The following DCUN1D4 variants were observed in gnomAD, a reference collection of about 807,000 sequenced individuals.
DCUN1D4 encodes the protein defective in cullin neddylation 1 domain containing 4, also known as DCN1-like protein 4.
In DCUN1D4, 22 loss-of-function variants were observed where a neutral mutation model predicts 47.9. The observed-to-expected ratio is 0.46, with a 90% CI of 0.33 to 0.66. The LOEUF is 0.66. Among genes scored for constraint, DCUN1D4 ranks in the 30% least tolerant of loss-of-function variants. The pLI is 0.02. For synonymous variants in DCUN1D4, 121 were observed against 112.2 expected (o/e 1.08, Z -0.50); for missense variants, 301 against 340.8 (o/e 0.88, Z 0.92).
intron 1 of DCUN1D4, among the ~76,000 whole-genome samples, chr4:51,856,062 A>G (rs964283806): frequency 1.3e-5 from 2 of 152,210 alleles, no homozygotes; most frequent in East Asian, 1.9e-4. Context: ...GCAGATCCCT[A>G]TACCTCAGTC....
intron 3 of DCUN1D4, chr4:51,865,287 G>A (rs997917077): frequency 8.6e-6 from 2 of 232,840 alleles, no homozygotes; most frequent in Non-Finnish European, 1.8e-5. Flanking sequence ...AAGCCAGCGT[G>A]GAGCTACTCT....
In DCUN1D4 at chr4:51,891,799, A is replaced by G. The variant is rs762249817; in HGVS notation, c.454A>G (p.Asn152Asp). ...CCTAGCTTGGAAATTGGATGCACAA[A>G]ACATGGGTTATTTTACTCTACAGGA... is the stretch of plus-strand genomic sequence containing the variant. ...LVLAWKLDAQ[N>D]MGYFTLQEWL... The change falls in exon 7 of 11, where the codon AAC becomes GAC. Residue 152 changes from asparagine to aspartate, a missense_variant. This residue lies in a region of DCUN1D4 where 170 missense variants were observed against 234.5 expected (regional missense o/e 0.73). Coordinates refer to ENST00000334635, the MANE Select transcript of DCUN1D4 (RefSeq NM_001040402.3). 5 of 1,613,470 alleles carry G rather than the reference A, an allele frequency of 3.1e-6. No homozygotes were observed. In the South Asian group the frequency reaches 5.5e-5, roughly 18 times the overall value.
chr4:51,848,426 A>G, intron 1 of DCUN1D4: 3 of 1,026,710 alleles, frequency 2.9e-6, no homozygotes, highest in Non-Finnish European at 3.6e-6. Context: ...TTTTATATCC[A>G]TATTCTGGTC....
chr4:51,874,302 C>T lies in DCUN1D4; in HGVS notation c.168C>T (p.Cys56=). ...GSLRSCSSSD[C]FNKVMPPRKK... ...TGCGGTCTTGCAGTTCTTCAGACTG[C>T]TTTAATAAAGTGATGCCACCAAGGA... Residue 56 remains cysteine (C), a synonymous_variant, in exon 4 of 11, where the codon TGC becomes TGT. Transcript: ENST00000334635. 1 of 1,613,276 alleles carries T rather than the reference C, an allele frequency of 6.2e-7. No homozygotes were observed. The highest frequency in any genetic ancestry group is 8.5e-7 in the Non-Finnish European group (1 of 1,179,774).
chr4:51,841,375 C>CAT, upstream of DCUN1D4, among the ~76,000 whole-genome samples: 1 of 152,292 alleles, frequency 6.6e-6, no homozygotes, highest in Admixed American at 6.5e-5. Flanking sequence ...AGCTTCCCTG[C>CAT]TCAGAGTAAG....
chr4:51,907,390 G>A (rs151143287), intron 8 of DCUN1D4, among the ~76,000 whole-genome samples: 71 of 152,312 alleles, frequency 4.7e-4, no homozygotes, highest in Non-Finnish European at 8.7e-4. Flanking sequence ...TCAGATATGA[G>A]CTTTTTACAG....
At chr4:51,836,391 G>A in the DCUN1D4 span, among the ~76,000 whole-genome samples, 2 of 152,170 alleles carry the variant, frequency 1.3e-5, no homozygotes, top group South Asian at 4.1e-4. Flanking sequence ...TTTTCAATGG[G>A]GTAAGCTAGT....
chr4:51,836,614 G>T, the DCUN1D4 span, among the ~76,000 whole-genome samples: 1 of 152,272 alleles, frequency 6.6e-6, no homozygotes, highest in Admixed American at 6.5e-5. Context: ...TAACCCGGTT[G>T]TAGGGTCTGG....
chr4:51,897,156 C>T (rs926465146), intron 7 of DCUN1D4, among the ~76,000 whole-genome samples: 1 of 152,130 alleles, frequency 6.6e-6, no homozygotes, highest in Non-Finnish European at 1.5e-5. Flanking sequence ...AAGTCTTTTC[C>T]GACTCTAAAA....
chr4:51,905,401 G>C (rs1445818082), intron 8 of DCUN1D4: 1 of 245,640 alleles, frequency 4.1e-6, no homozygotes, highest in Non-Finnish European at 8.7e-6. Context: ...GAAGAAGACG[G>C]TGGAATATAC....
intron 8 of DCUN1D4, among the ~76,000 whole-genome samples, chr4:51,901,385 T>C (rs1411885615): frequency 1.3e-5 from 2 of 152,240 alleles, no homozygotes; most frequent in East Asian, 3.9e-4. Flanking sequence ...AGGCCTTCTG[T>C]CTCCAAGTCT....
At chr4:51,885,444 G>T (rs1729321159) in intron 5 of DCUN1D4, among the ~76,000 whole-genome samples, 7 of 152,232 alleles carry the variant, frequency 4.6e-5, no homozygotes, top group Admixed American at 4.6e-4. Flanking sequence ...ACAGCATACA[G>T]GAGGATAAGC....
intron 8 of DCUN1D4, among the ~76,000 whole-genome samples, chr4:51,909,742 A>G (rs987777182): frequency 6.6e-6 from 1 of 152,204 alleles, no homozygotes; most frequent in African/African-American, 2.4e-5. Context: ...GACCTCTGAA[A>G]GAAGGGTGAT....
intron 1 of DCUN1D4, among the ~76,000 whole-genome samples, chr4:51,849,818 A>C (rs1415999794): frequency 6.8e-6 from 1 of 146,976 alleles, no homozygotes; most frequent in African/African-American, 2.6e-5. Context: ...ATGTGGGAAT[A>C]TTAGCTACAG....
intron 8 of DCUN1D4, among the ~76,000 whole-genome samples, chr4:51,902,767 T>C (rs77565128): frequency 1.9e-3 from 296 of 152,300 alleles, no homozygotes; most frequent in African/African-American, 6.9e-3. Context: ...TCGCTTGCTA[T>C]TTTTTCTCTA....
intron 3 of DCUN1D4, among the ~76,000 whole-genome samples, chr4:51,870,581 C>T (rs1726730235): frequency 6.6e-6 from 1 of 151,946 alleles, no homozygotes; most frequent in Non-Finnish European, 1.5e-5. Flanking sequence ...TGAGAGTCTA[C>T]CGTATGACTC....
At chr4:51,877,720 T>G (rs1445009497) in intron 4 of DCUN1D4, 43 bp from the exon 5 acceptor site, 1 of 1,216,816 alleles carries the variant, frequency 8.2e-7, no homozygotes, top group Non-Finnish European at 1.2e-6. Flanking sequence ...TTTAAAGAAC[T>G]CAGTATCTTT....
chr4:51,888,367 A>G (rs762305615), intron 6 of DCUN1D4, among the ~76,000 whole-genome samples: 116 of 152,158 alleles, frequency 7.6e-4, no homozygotes, highest in Non-Finnish European at 4.1e-4. Context: ...ACAGCTCTTC[A>G]AGTTTCCTCA....
At chr4:51,837,438 C>A in the DCUN1D4 span, among the ~76,000 whole-genome samples, 1 of 151,676 alleles carries the variant, frequency 6.6e-6, no homozygotes, top group Non-Finnish European at 1.5e-5. Context: ...GAGGCCGAGG[C>A]GGGCGGATCA....
Sources: allele counts gnomAD v4.1 joint callset (sites outside exome capture counted in the v4.1 genomes callset), GRCh38; gene constraint gnomAD v4.1.1; regional missense constraint gnomAD v4.1.1; transcripts MANE v1.5; gene names NCBI Gene and HGNC (gene_info 2026-07-23, HGNC 2026-07-21).